TFPT: variants seen among roughly 807,000 people sequenced by gnomAD.
The protein encoded by TFPT is TCF3 fusion partner.
TFPT carries 27 observed loss-of-function variants against 28.8 expected under a neutral mutation model. The observed-to-expected ratio is 0.94, with a 90% CI of 0.69 to 1.29. The LOEUF (loss-of-function observed/expected upper bound fraction) is 1.29, where lower values mean the gene tolerates loss of function less well. Ranked by LOEUF, TFPT falls within the 50% of genes most tolerant of loss-of-function variation. The pLI, the probability that TFPT is intolerant of heterozygous loss-of-function variation, is 0.00. For missense variants in TFPT, 330 were observed against 338.0 expected, an observed-to-expected ratio of 0.98 and a Z score of 0.19; for synonymous variants, 152 against 142.8, an observed-to-expected ratio of 1.06 and a Z score of -0.46.
Position 54,108,204 on chromosome 19 carries a change from T to C in TFPT, c.464A>G (p.Asn155Ser), listed in dbSNP as rs1232104130. Residue 155 changes from asparagine to serine, a missense_variant, in exon 5 of 6, where the codon AAT becomes AGT. Transcript: ENST00000391759. ...SQGTDAPTPG[N>S]AENEPPEKET... ...TTTCTCTGGAGGCTCATTCTCCGCA[T>C]TGCCTGGGGTGGGGGCATCCGTGCC... is the stretch of plus-strand genomic sequence containing the variant. The C allele has an allele frequency of 1.9e-6, 3 of 1,597,852 alleles. No individual in the cohort carries two copies. The African/African-American group carries it at 4.0e-5, about 21-fold the overall frequency.
At chr19:54,107,994 A>T in intron 5 of TFPT, 32 bp downstream of exon 5, 1 of 1,506,494 alleles carries the variant, frequency 6.6e-7, no homozygotes, top group Non-Finnish European at 8.9e-7. Flanking sequence ...CTGGAGCCCC[A>T]GTCCCTCCCC....
intron 5 of TFPT, 62 bp from the exon 6 acceptor site, chr19:54,107,231 C>T (rs587710429): frequency 1.9e-6 from 3 of 1,576,292 alleles, no homozygotes; most frequent in Admixed American, 1.9e-5. Context: ...CCATCAGCTT[C>T]ACCATTTTTG....
At chr19:54,111,514 A>G (rs1263413391) in intron 2 of TFPT, among the ~76,000 whole-genome samples, 3 of 151,482 alleles carry the variant, frequency 2.0e-5, no homozygotes, top group East Asian at 1.9e-4. Context: ...AAAAAAAAAA[A>G]AAGAAAAATA....
chr19:54,111,078 G>A (rs1176406038), intron 2 of TFPT, among the ~76,000 whole-genome samples: 2 of 152,166 alleles, frequency 1.3e-5, no homozygotes, highest in East Asian at 1.9e-4. Context: ...GCCCAGACTT[G>A]AATAAGGAGG....
intron 3 of TFPT, chr19:54,109,283 C>A (rs1192660226): frequency 6.6e-6 from 1 of 152,638 alleles, no homozygotes; most frequent in Admixed American, 6.5e-5. Context: ...CCCTGGGAGC[C>A]GCAGGTTTCA....
At position 54,115,242 on chromosome 19, in the gene TFPT, C is replaced by T. The variant is rs2146378230; in HGVS notation, c.23+5G>A. 1.2e-6 allele frequency: 2 copies of T among 1,614,160 alleles called. No individual in the cohort carries two copies. The highest frequency in any genetic ancestry group is 1.3e-5 in the African/African-American group (1 of 75,062). On this transcript the variant is annotated splice_donor_5th_base_variant and intron_variant, in intron 1 of 5. Transcript: ENST00000391759. ...GCACTTTTTCACAAGGGCTCAGCCA[C>T]ATACCCTTCTCTCTGCTCCAATTCC...
rs1328522642 is a variant in TFPT at position 54,115,303 on chromosome 19, C to T, written c.-34G>A. On this transcript the variant is annotated 5_prime_UTR_variant, in exon 1 of 6. Transcript: ENST00000391759. The stretch of plus-strand genomic sequence containing the variant: ...CCTCCGGAAGCCCCGGGCCTCAGAG[C>T]TTCCGACCTCTTCAATCTGTAGGTT... 6.2e-7 allele frequency: 1 copy of T among 1,613,840 alleles called. No homozygotes were observed.
chr19:54,107,491 C>T (rs930021278), intron 5 of TFPT: 7 of 349,380 alleles, frequency 2.0e-5, no homozygotes, highest in Admixed American at 1.3e-4. Context: ...TCAAGTGATC[C>T]TCCCACCTAG....
intron 2 of TFPT, among the ~76,000 whole-genome samples, chr19:54,111,330 G>A (rs1472854867): frequency 6.6e-6 from 1 of 151,888 alleles, no homozygotes; most frequent in East Asian, 1.9e-4. Context: ...ATCACTTGAG[G>A]TCAGGAGTTC....
At chr19:54,115,185 A>C (rs2073587793) in intron 1 of TFPT, 62 bp downstream of exon 1, 2 of 1,612,972 alleles carry the variant, frequency 1.2e-6, no homozygotes, top group South Asian at 2.2e-5. Flanking sequence ...ATATGGTTGC[A>C]CACAATGCAG....
intron 2 of TFPT, among the ~76,000 whole-genome samples, chr19:54,110,599 GT>G (rs2073426202): frequency 6.6e-6 from 1 of 152,096 alleles, no homozygotes; most frequent in African/African-American, 2.4e-5. Context: ...GTGGTGGCAG[GT>G]GCCTGCAGGA....
intron 3 of TFPT, 99 bp downstream of exon 3, chr19:54,109,952 T>G: frequency 3.0e-6 from 3 of 1,003,672 alleles, no homozygotes; most frequent in Non-Finnish European, 2.8e-6. Context: ...CCTTGTGGCT[T>G]GTGAGGGTTG....
chr19:54,114,505 G>A lies in TFPT; in HGVS notation c.219C>T (p.Arg73=). ...EEEAARGRRR[R]QRELNRRKYQ... ...ACTTTCTGCGATTTAATTCCCGCTG[G>A]CGCCGCCGCCGACCCCGGGCTGCCT... is the stretch of plus-strand genomic sequence containing the variant. The change falls in exon 2 of 6, where the codon CGC becomes CGT. Residue 73 remains arginine, a synonymous_variant. Coordinates refer to ENST00000391759, the MANE Select transcript of TFPT (RefSeq NM_013342.4). 1 of 1,613,886 alleles carries A rather than the reference G, an allele frequency of 6.2e-7. No individual in the cohort carries two copies. Among genetic ancestry groups the A allele is most frequent in the Admixed American group, 1.7e-5 (1 of 60,024 alleles).
chr19:54,110,254 T>A (rs1264154285), intron 2 of TFPT, 133 bp from the exon 3 acceptor site: 2 of 881,600 alleles, frequency 2.3e-6, no homozygotes, highest in East Asian at 2.6e-5. Context: ...TCCTTCCACC[T>A]TCCCATCCCT....
chr19:54,111,260 G>A (rs1216789018), intron 2 of TFPT, among the ~76,000 whole-genome samples: 1 of 152,094 alleles, frequency 6.6e-6, no homozygotes, highest in Non-Finnish European at 1.5e-5. Flanking sequence ...CCTGAGTTCC[G>A]GGCGGGGCAC....
intron 3 of TFPT, 86 bp downstream of exon 3, chr19:54,109,965 T>G (rs1168345781): frequency 2.8e-4 from 367 of 1,288,732 alleles, no homozygotes; most frequent in Non-Finnish European, 2.9e-4. Context: ...GAGGGTTGGG[T>G]GGATGTGGAA....
chr19:54,109,619 G>A (rs930641319), intron 3 of TFPT, among the ~76,000 whole-genome samples: 10 of 152,096 alleles, frequency 6.6e-5, no homozygotes, highest in African/African-American at 1.9e-4. Context: ...TGCAAGCTCC[G>A]ACAACCCTGC....
At chr19:54,110,753 C>A (rs1185976179) in intron 2 of TFPT, among the ~76,000 whole-genome samples, 3 of 152,012 alleles carry the variant, frequency 2.0e-5, no homozygotes, top group African/African-American at 7.2e-5. Flanking sequence ...CAGAACCCCA[C>A]CCGGCCATTC....
Position 54,107,246 on chromosome 19 carries a change from C to A in TFPT, c.643-77G>T, listed in dbSNP as rs2073296002. 2.6e-6 allele frequency: 4 copies of A among 1,565,716 alleles called. No homozygotes were observed. The Admixed American group carries it at 7.7e-5, about 30-fold the overall frequency. ...CCATCAGCTTCACCATTTTTGTTTTCATTTTGTTTTGCTTTTTAAAGAGAC... is the reference window on the plus strand; with the variant it reads ...CCATCAGCTTCACCATTTTTGTTTTAATTTTGTTTTGCTTTTTAAAGAGAC... On this transcript the variant is annotated intron_variant, in intron 5 of 5. Transcript: ENST00000391759.
Sources: allele counts gnomAD v4.1 joint callset (sites outside exome capture counted in the v4.1 genomes callset), GRCh38; gene constraint gnomAD v4.1.1; transcripts MANE v1.5; gene names NCBI Gene and HGNC (gene_info 2026-07-23, HGNC 2026-07-21).